Variants in ERICH2 observed in about 807,000 individuals in gnomAD.
ERICH2 encodes glutamate-rich protein 2.
Under a neutral mutation model 17.4 loss-of-function variants are expected in ERICH2, and 17 were observed. The observed-to-expected ratio is 0.98, with a 90% CI of 0.67 to 1.47. The LOEUF (loss-of-function observed/expected upper bound fraction) is 1.47. ERICH2 is among the 40% of genes most tolerant of loss of function. The probability of loss-of-function intolerance (pLI) is 0.00; values close to 1 mark genes in which losing one functional copy is unlikely to be tolerated. For synonymous variants in ERICH2, 51 were observed against 61.1 expected (o/e 0.83, Z 0.77); for missense variants, 186 against 183.2 (o/e 1.01, Z -0.09).
chr2:170,798,652 C>A, intron 4 of ERICH2, 118 bp from the exon 10 acceptor site: 1 of 1,280,142 alleles, frequency 7.8e-7, no homozygotes, highest in Non-Finnish European at 1.1e-6. Context: ...CCAAGTCCAA[C>A]TCAGTTCTTA....
the ERICH2 span, among the ~76,000 whole-genome samples, chr2:170,776,389 G>A: frequency 6.6e-6 from 1 of 152,082 alleles, no homozygotes; most frequent in Non-Finnish European, 1.5e-5. Context: ...TGTAGTTGTT[G>A]TTTTTTGAGA....
At chr2:170,783,464 G>A (rs114454137), upstream of ERICH2, among the ~76,000 whole-genome samples, 1 of 152,092 alleles carries the variant, frequency 6.6e-6, no homozygotes, top group Non-Finnish European at 1.5e-5. Context: ...CACAAGACTC[G>A]CTTGAACCTG....
chr2:170,796,972 C>T (rs748746875), intron 3 of ERICH2, among the ~76,000 whole-genome samples: 1 of 152,086 alleles, frequency 6.6e-6, no homozygotes, highest in Non-Finnish European at 1.5e-5. Flanking sequence ...TCTTTCTGGC[C>T]TCTAGGATTT....
At chr2:170,790,098 C>A (rs573887903) in intron 2 of ERICH2, among the ~76,000 whole-genome samples, 6 of 152,284 alleles carry the variant, frequency 3.9e-5, no homozygotes, top group Non-Finnish European at 7.4e-5. Context: ...CCTGTCCATG[C>A]TCAATTAAAC....
At chr2:170,781,030 G>T (rs1701012874), upstream of ERICH2, among the ~76,000 whole-genome samples, 3 of 152,156 alleles carry the variant, frequency 2.0e-5, no homozygotes, top group South Asian at 6.2e-4. Context: ...TCTTTGCTGT[G>T]CATTTTTCAT....
chr2:170,773,226 G>A, the ERICH2 span, among the ~76,000 whole-genome samples: 1 of 152,154 alleles, frequency 6.6e-6, no homozygotes, highest in Non-Finnish European at 1.5e-5. Context: ...TATCATCTTT[G>A]TTTCAGTGTT....
At chr2:170,792,276 T>C (rs992590747) in intron 2 of ERICH2, among the ~76,000 whole-genome samples, 1 of 152,194 alleles carries the variant, frequency 6.6e-6, no homozygotes, top group African/African-American at 2.4e-5. Flanking sequence ...ATGTTAAAAA[T>C]AAATGTGTTT....
At chr2:170,798,272 G>A (rs1317211071) in intron 4 of ERICH2, among the ~76,000 whole-genome samples, 160 bp downstream of exon 9, 1 of 152,116 alleles carries the variant, frequency 6.6e-6, no homozygotes, top group Admixed American at 6.5e-5. Context: ...TGTCCTCTGT[G>A]GATGGTCACA....
At chr2:170,791,526 C>CGAAAAAAA in intron 2 of ERICH2, among the ~76,000 whole-genome samples, 1 of 7,696 alleles carries the variant, frequency 1.3e-4, no homozygotes, top group Non-Finnish European at 8.2e-4. Flanking sequence ...CCCGTCTCTA[C>CGAAAAAAA]TAAAAAAAAA....
At chr2:170,797,091 G>A (rs774874473) in intron 3 of ERICH2, among the ~76,000 whole-genome samples, 28 of 152,160 alleles carry the variant, frequency 1.8e-4, no homozygotes, top group Non-Finnish European at 3.8e-4. Flanking sequence ...TGAAAACAAT[G>A]GGTCCAATGA....
chr2:170,777,802 AC>A, the ERICH2 span: 1 of 523,938 alleles, frequency 1.9e-6, no homozygotes, highest in Non-Finnish European at 2.9e-6. Context: ...ATGGATTAGC[AC>A]TTCAGCTTTT....
At chr2:170,782,538 A>T (rs1159030987), upstream of ERICH2, 1 of 177,364 alleles carries the variant, frequency 5.6e-6, no homozygotes, top group Non-Finnish European at 1.1e-5. Context: ...GGTGATTCTT[A>T]TATTCAGCCA....
At chr2:170,774,301 G>C in the ERICH2 span, among the ~76,000 whole-genome samples, 1 of 152,082 alleles carries the variant, frequency 6.6e-6, no homozygotes, top group Non-Finnish European at 1.5e-5. Context: ...ATCCCCATAG[G>C]ACATCTTTCC....
chr2:170,791,691 A>AAAAT (rs1246387528), intron 2 of ERICH2, among the ~76,000 whole-genome samples: 13 of 150,830 alleles, frequency 8.6e-5, no homozygotes, highest in African/African-American at 3.2e-4. Context: ...CTCCGTCTCA[A>AAAAT]AAATAAATAA....
upstream of ERICH2, chr2:170,779,961 T>C: frequency 2.3e-6 from 1 of 440,008 alleles, no homozygotes; most frequent in Non-Finnish European, 3.0e-6. Flanking sequence ...AAGTTTAAAA[T>C]AGAAATCTCC....
At chr2:170,794,677 A>G (rs550162053) in intron 3 of ERICH2, among the ~76,000 whole-genome samples, 1 of 152,354 alleles carries the variant, frequency 6.6e-6, no homozygotes, top group South Asian at 2.1e-4. Context: ...CAACTCTACA[A>G]TTAAACTTGT....
intron 4 of ERICH2, among the ~76,000 whole-genome samples, chr2:170,798,357 A>G (rs1184261618): frequency 1.3e-5 from 2 of 152,128 alleles, no homozygotes; most frequent in African/African-American, 4.8e-5. Context: ...TCAGGTATTG[A>G]CAAGCAGAAT....
chr2:170,788,491 G>A (rs919029241), intron 2 of ERICH2, among the ~76,000 whole-genome samples: 4 of 40,556 alleles, frequency 9.9e-5, no homozygotes, highest in Admixed American at 2.5e-4. Context: ...TTTTATTTTC[G>A]AGACGGAGTC....
At chr2:170,772,511 G>A in the ERICH2 span, among the ~76,000 whole-genome samples, 3 of 152,186 alleles carry the variant, frequency 2.0e-5, no homozygotes, top group Non-Finnish European at 4.4e-5. Context: ...TTTGCTCAAG[G>A]TCACACAGTT....
Sources: allele counts gnomAD v4.1 joint callset (sites outside exome capture counted in the v4.1 genomes callset), GRCh38; gene constraint gnomAD v4.1.1; transcripts MANE v1.5; gene names NCBI Gene and HGNC (gene_info 2026-07-23, HGNC 2026-07-21).